The following PTPRN2 variants were observed in gnomAD, a reference collection of about 807,000 sequenced individuals.
PTPRN2 encodes receptor-type tyrosine-protein phosphatase N2.
In PTPRN2, 74 loss-of-function variants were observed where a neutral mutation model predicts 118.8. The observed-to-expected ratio is 0.62, with a 90% CI of 0.52 to 0.76. PTPRN2 has a LOEUF of 0.76. Ranked by LOEUF, PTPRN2 falls within the 30% of genes least tolerant of loss-of-function variation. The pLI is 0.00. For synonymous variants in PTPRN2, 641 were observed against 608.0 expected, an observed-to-expected ratio of 1.05 and a Z score of -0.80; for missense variants, 1,481 against 1,394.4, an observed-to-expected ratio of 1.06 and a Z score of -0.99.
intron 11 of PTPRN2, among the ~76,000 whole-genome samples, chr7:158,044,857 A>C (rs1207070865): frequency 6.6e-6 from 1 of 152,210 alleles, no homozygotes; most frequent in Admixed American, 6.5e-5. Flanking sequence ...CAGGAGCAAC[A>C]TTTAATTCTC....
intron 14 of PTPRN2, among the ~76,000 whole-genome samples, chr7:157,626,101 G>A (rs993070126): frequency 6.6e-6 from 1 of 152,134 alleles, no homozygotes; most frequent in Non-Finnish European, 1.5e-5. Flanking sequence ...TTGGTCCACA[G>A]CCCCCAGCAG....
At chr7:158,008,468 C>T (rs1252880676) in intron 11 of PTPRN2, among the ~76,000 whole-genome samples, 1 of 152,358 alleles carries the variant, frequency 6.6e-6, no homozygotes, top group South Asian at 2.1e-4. Context: ...ACCTGTCCCG[C>T]GCGCGTGGTG....
At chr7:157,630,514 C>T (rs921335185) in intron 14 of PTPRN2, among the ~76,000 whole-genome samples, 12 of 152,302 alleles carry the variant, frequency 7.9e-5, no homozygotes, top group Admixed American at 4.6e-4. Flanking sequence ...ACCGTGTGCC[C>T]GTCACGGCAG....
chr7:158,109,885 G>A (rs1283030917), intron 10 of PTPRN2, among the ~76,000 whole-genome samples: 1 of 150,634 alleles, frequency 6.6e-6, no homozygotes, highest in Non-Finnish European at 1.5e-5. Flanking sequence ...GACAGTGAGT[G>A]AATGATGTCA....
intron 1 of PTPRN2, among the ~76,000 whole-genome samples, chr7:158,552,097 CTCTAACACATGCATTTGGGGGG>C: frequency 1.1e-5 from 1 of 91,690 alleles, no homozygotes; most frequent in Middle Eastern, 5.6e-3. Flanking sequence ...GGGGGTAGAG[CTCTAACACATGCATTTGGGGGG>C]CCCCAGCTCC....
At position 157,641,562 on chromosome 7, in the gene PTPRN2, G is replaced by A. The variant is rs566278764; in HGVS notation, c.2196+14795C>T. Among the ~76,000 whole-genome samples the A allele has an allele frequency of 8.3e-4, 126 of 152,284 alleles. 1 individual carries two copies. In the South Asian group the frequency reaches 0.012, roughly 14 times the overall value. On this transcript the variant is annotated intron_variant, in intron 14 of 22. Coordinates refer to ENST00000389418, the MANE Select transcript of PTPRN2 (RefSeq NM_002847.5). ...CCAGCCATATTTTGTGGAAGGGGAAGCCAGAGTTCACAGGATGTAATGCTG... is the reference window on the plus strand; with the variant it reads ...CCAGCCATATTTTGTGGAAGGGGAAACCAGAGTTCACAGGATGTAATGCTG...
Position 157,853,267 on chromosome 7 carries a change from G to A in PTPRN2, c.1788+45406C>T, listed in dbSNP as rs576934949. 8.5e-5 allele frequency among the ~76,000 whole-genome samples: 13 copies of A among 152,248 alleles called. No homozygotes were observed. In the East Asian group the frequency reaches 2.5e-3, roughly 29 times the overall value. ...CAGAGGCTCACGCTCACATGATGAC[G>A]GCCGAGCCGGGCCTGCAACGGAAAG... On this transcript the variant is annotated intron_variant, in intron 12 of 22. Coordinates refer to ENST00000389418, the MANE Select transcript of PTPRN2 (RefSeq NM_002847.5).
chr7:157,938,797 G>T (rs1277785322), intron 11 of PTPRN2, among the ~76,000 whole-genome samples: 1 of 152,200 alleles, frequency 6.6e-6, no homozygotes, highest in Non-Finnish European at 1.5e-5. Flanking sequence ...TGGGGTGTTG[G>T]TGCTTATGTA....
In PTPRN2 at chr7:157,779,858, C is replaced by T. The variant is rs1469853155; in HGVS notation, c.1789-96921G>A. ...TTGCTGAAAATGAGCAGTGTGTGTC[C>T]TCCCAAGCAGGGCTGGGACGCCACT... is the stretch of plus-strand genomic sequence containing the variant. On this transcript the variant is annotated intron_variant, in intron 12 of 22. Transcript: ENST00000389418. This position sits in a 1 kb window ranked among gnomAD's most constrained non-coding sequence, Gnocchi z 4.7. 6.6e-6 allele frequency among the ~76,000 whole-genome samples: 1 copy of T among 152,160 alleles called. No homozygotes were observed. Among genetic ancestry groups the T allele is most frequent in the Non-Finnish European group, 1.5e-5 (1 of 68,036 alleles).
chr7:158,181,960 TTA>T, intron 5 of PTPRN2, among the ~76,000 whole-genome samples: 1 of 152,290 alleles, frequency 6.6e-6, no homozygotes, highest in South Asian at 2.1e-4. Context: ...AGCTTTGGGT[TTA>T]GTTTGTTCAT....
At chr7:158,241,631 T>C (rs887141556) in intron 3 of PTPRN2, among the ~76,000 whole-genome samples, 2 of 152,226 alleles carry the variant, frequency 1.3e-5, no homozygotes, top group East Asian at 1.9e-4. Flanking sequence ...TCTGAAGACA[T>C]TGTTTTCTGA....
At chr7:158,518,400 C>T (rs72505576) in intron 1 of PTPRN2, among the ~76,000 whole-genome samples, 2,955 of 152,254 alleles carry the variant, frequency 0.019, 85 homozygotes, top group African/African-American at 0.062. Context: ...GACATCAGCG[C>T]TTGTCCTTTC....
In PTPRN2 at chr7:157,990,125, C is replaced by T. The variant is rs143859191; in HGVS notation, c.1723+91173G>A. Among the ~76,000 whole-genome samples, 193 of 152,170 alleles carry T rather than the reference C, an allele frequency of 1.3e-3. 1 individual carries two copies. The highest frequency in any genetic ancestry group is 2.4e-3 in the Non-Finnish European group (164 of 68,022). On this transcript the variant is annotated intron_variant, in intron 11 of 22. Coordinates refer to ENST00000389418, the MANE Select transcript of PTPRN2 (RefSeq NM_002847.5). This position sits in a 1 kb window ranked among gnomAD's most constrained non-coding sequence, Gnocchi z 4.3. ...CTTCTGCGCTCCAAATACACCGAGA[C>T]GAAAACAAGCCCAGGTGAAGCTGCA...
intron 2 of PTPRN2, among the ~76,000 whole-genome samples, chr7:158,387,525 C>G (rs1811535338): frequency 6.6e-6 from 1 of 152,308 alleles, no homozygotes; most frequent in Non-Finnish European, 1.5e-5. Context: ...AAAGCACTCT[C>G]TGGGTCCTGG....
chr7:158,322,321 C>T (rs1803091737), intron 2 of PTPRN2, among the ~76,000 whole-genome samples: 2 of 152,292 alleles, frequency 1.3e-5, no homozygotes, highest in East Asian at 1.9e-4. Flanking sequence ...ACTGATGGTT[C>T]GGTTATAATT....
chr7:157,609,944 G>A lies in PTPRN2; in HGVS notation c.2345-5869C>T, dbSNP rs750312153. On this transcript the variant is annotated intron_variant, in intron 15 of 22. Coordinates refer to ENST00000389418, the MANE Select transcript of PTPRN2 (RefSeq NM_002847.5). The surrounding 1 kb of genome is among the most constrained non-coding windows in gnomAD (Gnocchi z 4.9). ...GGCCCAGCTAAGCATGCTAGAGGAC[G>A]CGGCGGTATAGTCATTAATCATGAT... Among the ~76,000 whole-genome samples the A allele has an allele frequency of 6.6e-6, 1 of 152,316 alleles. No homozygotes were observed. The highest frequency in any genetic ancestry group is 1.9e-4 in the East Asian group (1 of 5,188).
chr7:158,488,596 A>C (rs1456341854), intron 2 of PTPRN2, among the ~76,000 whole-genome samples: 1 of 152,134 alleles, frequency 6.6e-6, no homozygotes, highest in African/African-American at 2.4e-5. Context: ...CTCCCCCTGG[A>C]TGCACCAGTG....
chr7:157,800,014 C>A (rs1053585205), intron 12 of PTPRN2, among the ~76,000 whole-genome samples: 8 of 151,488 alleles, frequency 5.3e-5, no homozygotes, highest in Non-Finnish European at 7.4e-5. Flanking sequence ...AGAGGCACCA[C>A]AGGCAGCCTC....
chr7:158,082,859 G>C (rs570576878), intron 10 of PTPRN2, among the ~76,000 whole-genome samples: 18 of 152,280 alleles, frequency 1.2e-4, no homozygotes, highest in African/African-American at 4.1e-4. Flanking sequence ...CCGCCTCCAG[G>C]GATGACCATG....
Sources: gnomAD v4.1 joint callset for allele counts (sites outside exome capture counted in the v4.1 genomes callset) on GRCh38, gnomAD v4.1.1 for gene constraint, Gnocchi (gnomAD v3.1) non-coding constraint, MANE v1.5 for transcripts, NCBI Gene and HGNC (gene_info 2026-07-23, HGNC 2026-07-21) for gene names.